Variants in EIF2B3 observed in about 807,000 individuals in gnomAD.
EIF2B3 encodes the protein translation initiation factor eIF2B subunit gamma.
Under a neutral mutation model 54.1 loss-of-function variants are expected in EIF2B3, and 20 were observed. The ratio of observed to expected loss-of-function variants is 0.37; its 90% CI spans 0.26 to 0.54. The LOEUF is 0.54. Among genes scored for constraint, EIF2B3 ranks in the 20% least tolerant of loss-of-function variants. EIF2B3 has a pLI of 0.86. For synonymous variants in EIF2B3, 153 were observed against 188.1 expected, an observed-to-expected ratio of 0.81 and a Z score of 1.52; for missense variants, 448 against 547.8, an observed-to-expected ratio of 0.82 and a Z score of 1.82.
At chr1:44,937,542 C>T (rs570391202) in intron 4 of EIF2B3, among the ~76,000 whole-genome samples, 12 of 152,168 alleles carry the variant, frequency 7.9e-5, no homozygotes, top group African/African-American at 2.2e-4. Context: ...TATATGTGTT[C>T]GGAGGAGAAA....
rs1569843269 is a variant in EIF2B3, at chr1:44,959,023, A to C, written c.295-17358T>G. 5.4e-6 allele frequency: 4 copies of C among 735,322 alleles called. No homozygotes were observed. In the East Asian group the frequency reaches 9.9e-5, roughly 18 times the overall value. The allele number at this position is 735,322 out of a possible 1,614,324, so 45.5% of individuals were successfully genotyped here. ...AAAGTGCTAGAAGAATACAAGAAAAAGTTCAGTGACATCTGAGAAACTTAT... is the reference window on the plus strand; with the variant it reads ...AAAGTGCTAGAAGAATACAAGAAAACGTTCAGTGACATCTGAGAAACTTAT... On this transcript the variant is annotated intron_variant, in intron 3 of 11. Coordinates refer to ENST00000360403, the MANE Select transcript of EIF2B3 (RefSeq NM_020365.5).
At chr1:44,968,966 TA>T (rs2148959135) in intron 3 of EIF2B3, among the ~76,000 whole-genome samples, 1 of 152,024 alleles carries the variant, frequency 6.6e-6, no homozygotes, top group East Asian at 1.9e-4. Flanking sequence ...TATATCCAAA[TA>T]AATTGGCTTT....
At chr1:44,896,576 C>T (rs763591014) in intron 6 of EIF2B3, among the ~76,000 whole-genome samples, 3 of 152,200 alleles carry the variant, frequency 2.0e-5, no homozygotes, top group Non-Finnish European at 4.4e-5. Flanking sequence ...GATAAGTTTC[C>T]GCCTTGGATA....
At position 44,926,755 on chromosome 1, in the gene EIF2B3, G is replaced by T; in HGVS notation, c.455-16C>A. ...CGCTGCTCCACTGAATCATACAAAA[G>T]AAAAAAAAAATCAAATAAAGCCATT... On this transcript the variant is annotated splice_polypyrimidine_tract_variant and intron_variant, in intron 4 of 11. Coordinates refer to ENST00000360403, the MANE Select transcript of EIF2B3 (RefSeq NM_020365.5). 1 of 1,538,350 alleles carries T rather than the reference G, an allele frequency of 6.5e-7. No homozygotes were observed. Among genetic ancestry groups the T allele is most frequent in the Non-Finnish European group, 8.9e-7 (1 of 1,127,264 alleles).
At chr1:44,985,611 A>C (rs1238851530) in intron 1 of EIF2B3, among the ~76,000 whole-genome samples, 3 of 152,222 alleles carry the variant, frequency 2.0e-5, no homozygotes, top group Non-Finnish European at 4.4e-5. Flanking sequence ...CATGTGCATA[A>C]GGGCATTAGA....
At chr1:44,868,313 G>T (rs1654848338) in intron 10 of EIF2B3, among the ~76,000 whole-genome samples, 2 of 149,816 alleles carry the variant, frequency 1.3e-5, no homozygotes, top group African/African-American at 4.9e-5. Context: ...CAGGAGAATG[G>T]TGTGAACCCG....
At chr1:44,903,717 C>G (rs897507470) in intron 5 of EIF2B3, among the ~76,000 whole-genome samples, 1 of 152,172 alleles carries the variant, frequency 6.6e-6, no homozygotes, top group African/African-American at 2.4e-5. Flanking sequence ...AGTGGGAGAA[C>G]TGGTATGCAT....
chr1:44,963,861 T>C (rs1317153866), intron 3 of EIF2B3, among the ~76,000 whole-genome samples: 1 of 152,156 alleles, frequency 6.6e-6, no homozygotes, highest in African/African-American at 2.4e-5. Context: ...CTAGTAACTT[T>C]TCCCTCTACC....
intron 6 of EIF2B3, among the ~76,000 whole-genome samples, chr1:44,889,732 TTGCCCAGGC>T (rs751639890): frequency 2.6e-5 from 4 of 152,150 alleles, no homozygotes; most frequent in Non-Finnish European, 5.9e-5. Flanking sequence ...TTTCACCATG[TTGCCCAGGC>T]TGGTCTCAAA....
At chr1:44,865,346 C>T (rs1429418062) in intron 10 of EIF2B3, among the ~76,000 whole-genome samples, 2 of 152,088 alleles carry the variant, frequency 1.3e-5, no homozygotes, top group African/African-American at 4.8e-5. Context: ...CTTTGGTTCA[C>T]CCATGTTCCC....
At chr1:44,971,968 G>A (rs570774458) in intron 3 of EIF2B3, among the ~76,000 whole-genome samples, 1 of 151,984 alleles carries the variant, frequency 6.6e-6, no homozygotes, top group Non-Finnish European at 1.5e-5. Flanking sequence ...GGGAGGAAAG[G>A]TTGCAGTAAG....
At chr1:44,972,250 A>AACACAC (rs765384486) in intron 3 of EIF2B3, among the ~76,000 whole-genome samples, 3 of 86,452 alleles carry the variant, frequency 3.5e-5, no homozygotes, top group Non-Finnish European at 6.9e-5. Flanking sequence ...CACACACACA[A>AACACAC]ACACACACAC....
At chr1:44,949,703 G>T (rs1644140512) in intron 3 of EIF2B3, among the ~76,000 whole-genome samples, 1 of 152,158 alleles carries the variant, frequency 6.6e-6, no homozygotes, top group Non-Finnish European at 1.5e-5. Flanking sequence ...ATGTCTGAAA[G>T]GAAAGAAGTC....
chr1:44,984,005 G>A (rs1644542674), intron 1 of EIF2B3, among the ~76,000 whole-genome samples: 1 of 151,906 alleles, frequency 6.6e-6, no homozygotes, highest in East Asian at 2.0e-4. Flanking sequence ...ACTGCGCCCG[G>A]CCTCTACCAA....
At chr1:44,951,169 A>G (rs1007500324) in intron 3 of EIF2B3, among the ~76,000 whole-genome samples, 14 of 152,074 alleles carry the variant, frequency 9.2e-5, no homozygotes, top group African/African-American at 3.1e-4. Context: ...ACTCCTTGGC[A>G]TTACCAAAAA....
intron 6 of EIF2B3, among the ~76,000 whole-genome samples, chr1:44,885,095 T>C (rs1037735704): frequency 4.6e-5 from 7 of 152,256 alleles, no homozygotes; most frequent in African/African-American, 1.7e-4. Flanking sequence ...GGCCACTTGC[T>C]GGATACAGTG....
chr1:44,965,467 A>C (rs1265648749), intron 3 of EIF2B3, among the ~76,000 whole-genome samples: 1 of 149,432 alleles, frequency 6.7e-6, no homozygotes, highest in East Asian at 2.0e-4. Flanking sequence ...AACGTGTTCT[A>C]AAGCCAAAAG....
rs150100515 is a variant in EIF2B3, at chr1:44,983,566, T to C, written c.-9-2389A>G. Among the ~76,000 whole-genome samples, 173 of 152,314 alleles carry C rather than the reference T, an allele frequency of 1.1e-3. 1 individual carries two copies. The highest frequency in any genetic ancestry group is 3.9e-3 in the African/African-American group (162 of 41,586). On this transcript the variant is annotated intron_variant, in intron 1 of 11. Coordinates refer to ENST00000360403, the MANE Select transcript of EIF2B3 (RefSeq NM_020365.5). The stretch of plus-strand genomic sequence containing the variant: ...TCAAATGTTATTATGAAAAGAGCAC[T>C]GGACCCTTAAGAGTCAAAAGATGAG...
chr1:44,979,896 G>A (rs1406281442), intron 2 of EIF2B3, among the ~76,000 whole-genome samples: 1 of 152,096 alleles, frequency 6.6e-6, no homozygotes, highest in African/African-American at 2.4e-5. Context: ...AACCTGGGAG[G>A]TGGAGGTTGC....
Sources: allele counts gnomAD v4.1 joint callset (sites outside exome capture counted in the v4.1 genomes callset), GRCh38; gene constraint gnomAD v4.1.1; transcripts MANE v1.5; gene names NCBI Gene and HGNC (gene_info 2026-07-23, HGNC 2026-07-21).